The following NKAIN4 variants were observed in gnomAD, a reference collection of about 807,000 sequenced individuals.
NKAIN4 encodes sodium/potassium-transporting ATPase subunit beta-1-interacting protein 4.
A neutral mutation model predicts 28.8 loss-of-function variants in NKAIN4; 28 were observed. The ratio of observed to expected loss-of-function variants is 0.97; its 90% CI spans 0.72 to 1.33. The LOEUF is 1.33. Ranked by LOEUF, NKAIN4 falls within the 40% of genes most tolerant of loss-of-function variation. The pLI is 0.00. For missense variants in NKAIN4, 289 were observed against 277.2 expected (o/e 1.04, Z -0.30); for synonymous variants, 122 against 115.6 (o/e 1.06, Z -0.36).
chr20:63,254,855 T>A, upstream of NKAIN4: 1 of 168,684 alleles, frequency 5.9e-6, no homozygotes, highest in Non-Finnish European at 1.3e-5. Context: ...CCCTCCGGCG[T>A]GAGATCCCCA....
At chr20:63,253,831 GAAT>G (rs1248190706) in intron 1 of NKAIN4, 1 of 144,058 alleles carries the variant, frequency 6.9e-6, no homozygotes, top group Non-Finnish European at 1.5e-5. Flanking sequence ...ACGCCGGGCG[GAAT>G]GGGGGGCGGC....
chr20:63,243,049 G>C (rs2066789757), intron 5 of NKAIN4, among the ~76,000 whole-genome samples: 1 of 152,228 alleles, frequency 6.6e-6, no homozygotes, highest in Non-Finnish European at 1.5e-5. Flanking sequence ...CAGACCGATG[G>C]CTTCCTTGAC....
At chr20:63,247,997 C>T (rs567201543) in intron 3 of NKAIN4, 4 of 486,322 alleles carry the variant, frequency 8.2e-6, no homozygotes, top group East Asian at 3.6e-5. Context: ...GACCCACACA[C>T]CTCCTCCTCC....
chr20:63,240,981 TG>T lies in NKAIN4; in HGVS notation c.*515del. ...CTAGGGCTCCATCAGCCTCAGCTCCTGGGTGGGGTGGGGGTTCTTCTGGCAC... is the reference window on the plus strand; with the variant it reads ...CTAGGGCTCCATCAGCCTCAGCTCCTGGTGGGGTGGGGGTTCTTCTGGCAC... On this transcript the variant is annotated 3_prime_UTR_variant, in exon 7 of 7. Coordinates refer to ENST00000370316, the MANE Select transcript of NKAIN4 (RefSeq NM_152864.4). The T allele has an allele frequency of 6.2e-6, 1 of 160,274 alleles. No individual in the cohort carries two copies. Among genetic ancestry groups the T allele is most frequent in the Non-Finnish European group, 1.4e-5 (1 of 72,832 alleles). 9.9% of individuals were successfully genotyped at this position (160,274 alleles called of 1,614,324 possible).
At chr20:63,250,291 A>G (rs1028154815) in intron 1 of NKAIN4, among the ~76,000 whole-genome samples, 1 of 144,340 alleles carries the variant, frequency 6.9e-6, no homozygotes, top group African/African-American at 2.9e-5. Context: ...CTCTTCCAAG[A>G]AGAATCCCCA....
chr20:63,249,344 GCA>G (rs2066916858), intron 2 of NKAIN4: 2 of 220,824 alleles, frequency 9.1e-6, no homozygotes, highest in East Asian at 2.2e-4. Flanking sequence ...ACCCATTTGT[GCA>G]CACACAGCCC....
chr20:63,246,879 G>A (rs1568707122), intron 4 of NKAIN4: 2 of 985,192 alleles, frequency 2.0e-6, no homozygotes, highest in Non-Finnish European at 2.4e-6. Flanking sequence ...GGCACACGGA[G>A]GTTGTTAGGC....
chr20:63,243,841 T>TAATCTCTTCC, intron 5 of NKAIN4, 183 bp downstream of exon 5: 1 of 579,794 alleles, frequency 1.7e-6, no homozygotes, highest in Non-Finnish European at 3.1e-6. Flanking sequence ...GGACCTCTGC[T>TAATCTCTTCC]AATCTCTTCC....
chr20:63,242,491 C>A, intron 6 of NKAIN4, 48 bp downstream of exon 6: 1 of 1,380,066 alleles, frequency 7.2e-7, no homozygotes, highest in Non-Finnish European at 1.0e-6. Context: ...CTGTGAGGGC[C>A]AGATTGGCCA....
chr20:63,242,431 G>C, intron 6 of NKAIN4, 108 bp downstream of exon 6: 2 of 773,584 alleles, frequency 2.6e-6, no homozygotes, highest in East Asian at 4.9e-5. Flanking sequence ...ATGGATGGCA[G>C]AACGGACAGG....
rs1161945068 is a variant in NKAIN4 at position 63,245,635 on chromosome 20, G to T, written c.472-1551C>A. 6.6e-6 allele frequency among the ~76,000 whole-genome samples: 1 copy of T among 152,212 alleles called. No homozygotes were observed. Among genetic ancestry groups the T allele is most frequent in the Non-Finnish European group, 1.5e-5 (1 of 68,016 alleles). On this transcript the variant is annotated intron_variant, in intron 4 of 6. Coordinates refer to ENST00000370316, the MANE Select transcript of NKAIN4 (RefSeq NM_152864.4). The surrounding 1 kb of genome is among the most constrained non-coding windows in gnomAD (Gnocchi z 4.7). ...CCCCCAGAGCCTGGCCTTGTCAGAC[G>T]ACTCTCTTGCCACCACCATTTCCAT...
Position 63,245,387 on chromosome 20 carries a change from G to A in NKAIN4, c.472-1303C>T, listed in dbSNP as rs1253536929. Among the ~76,000 whole-genome samples the A allele has an allele frequency of 2.6e-5, 4 of 152,008 alleles. No homozygotes were observed. Among genetic ancestry groups the A allele is most frequent in the Non-Finnish European group, 2.9e-5 (2 of 68,002 alleles). ...CCATCCCGGAGCTGGCCGTGGCGCC[G>A]AACAGGCAGCCGAGCTTGGGGAGCC... On this transcript the variant is annotated intron_variant, in intron 4 of 6. Transcript: ENST00000370316. This position sits in a 1 kb window ranked among gnomAD's most constrained non-coding sequence, Gnocchi z 4.7.
chr20:63,246,758 G>C, intron 4 of NKAIN4: 1 of 979,846 alleles, frequency 1.0e-6, no homozygotes, highest in Non-Finnish European at 1.2e-6. Flanking sequence ...GAGCTCTTGA[G>C]GTGAAACGCT....
intron 1 of NKAIN4, chr20:63,253,130 G>T: frequency 1.2e-6 from 1 of 828,494 alleles, no homozygotes; most frequent in Non-Finnish European, 1.4e-6. Context: ...TGGAGTCTTC[G>T]AGTGCCCACC....
At chr20:63,244,590 G>A (rs1043087105) in intron 4 of NKAIN4, 6 of 468,996 alleles carry the variant, frequency 1.3e-5, no homozygotes, top group Non-Finnish European at 2.6e-5. Flanking sequence ...CTGAGGACTC[G>A]GGGTCCAGCG....
chr20:63,247,769 C>A lies in NKAIN4; in HGVS notation c.280G>T (p.Glu94Ter). The change falls in exon 4 of 7, where the codon GAG (glutamate) becomes TAG (stop). Residue 94 changes from glutamate (E) to a stop codon, truncating the protein, a stop_gained. Coordinates refer to ENST00000370316, the MANE Select transcript of NKAIN4 (RefSeq NM_152864.4). LOFTEE classifies it high-confidence loss of function. ...CGGGAGAGGCTGAAGGTCAGTAGCT[C>A]GCTGTCCTAGGGGAGAGGTGCAGGA... ...LEVGGLLKDSELLTFSLSRHR... is the reference protein window; with the variant it reads ...LEVGGLLKDS 1 of 1,460,402 alleles carries A rather than the reference C, an allele frequency of 6.8e-7. No individual in the cohort carries two copies. Among genetic ancestry groups the A allele is most frequent in the Admixed American group, 2.5e-5 (1 of 39,308 alleles). The allele number at this position is 1,460,402 out of a possible 1,614,324, so 90.5% of individuals were successfully genotyped here.
intron 4 of NKAIN4, chr20:63,247,036 C>A (rs768056614): frequency 2.0e-6 from 2 of 1,006,810 alleles, no homozygotes; most frequent in Non-Finnish European, 2.4e-6. Flanking sequence ...CAGCGCCACC[C>A]GGGGCCACAG....
rs574836456 is a variant in NKAIN4 at position 63,250,188 on chromosome 20, C to T, written c.55-116G>A. On this transcript the variant is annotated intron_variant, in intron 1 of 6. Transcript: ENST00000370316. The stretch of plus-strand genomic sequence containing the variant: ...CAGGGACTTCCTCCCCACACCCGCC[C>T]ACCACACCTTTGTTTGACGAAGGAC... The T allele has an allele frequency of 4.9e-6, 6 of 1,220,430 alleles. No individual in the cohort carries two copies. The East Asian group carries it at 1.5e-4, about 31-fold the overall frequency. 75.6% of individuals were successfully genotyped at this position (1,220,430 alleles called of 1,614,324 possible). A position where few individuals can be genotyped will look rare whatever the true frequency, so the allele number is the denominator to read the frequency against.
intron 3 of NKAIN4, 114 bp downstream of exon 3, chr20:63,248,701 C>T (rs894301813): frequency 3.9e-5 from 28 of 716,596 alleles, no homozygotes; most frequent in Non-Finnish European, 5.8e-5. Flanking sequence ...GAGCCATGCA[C>T]AGACTGAGCC....
Sources: gnomAD v4.1 joint callset for allele counts (sites outside exome capture counted in the v4.1 genomes callset) on GRCh38, gnomAD v4.1.1 for gene constraint, Gnocchi (gnomAD v3.1) non-coding constraint, MANE v1.5 for transcripts, NCBI Gene and HGNC (gene_info 2026-07-23, HGNC 2026-07-21) for gene names.